KCND3: variants seen among roughly 807,000 people sequenced by gnomAD.
KCND3 encodes the protein potassium voltage-gated channel subfamily D member 3.
KCND3 carries 9 observed loss-of-function variants against 51.1 expected under a neutral mutation model. The ratio of observed to expected loss-of-function variants is 0.18; its 90% CI spans 0.11 to 0.31. The LOEUF (loss-of-function observed/expected upper bound fraction) is 0.31, where lower values mean the gene tolerates loss of function less well. Among genes scored for constraint, KCND3 ranks in the 10% least tolerant of loss-of-function variants. The pLI, the probability that KCND3 is intolerant of heterozygous loss-of-function variation, is 1.00. For synonymous variants in KCND3, 349 were observed against 368.0 expected (o/e 0.95, Z 0.59); for missense variants, 526 against 903.8 (o/e 0.58, Z 5.36).
chr1:111,969,388 A>G (rs1305379334), intron 2 of KCND3, among the ~76,000 whole-genome samples: 1 of 152,162 alleles, frequency 6.6e-6, no homozygotes, highest in Non-Finnish European at 1.5e-5. Context: ...AGATTTCTCC[A>G]CCTTCCAGGG....
intron 1 of KCND3, among the ~76,000 whole-genome samples, chr1:111,988,005 G>C (rs142913701): frequency 5.1e-4 from 78 of 152,278 alleles, no homozygotes; most frequent in African/African-American, 1.5e-3. Context: ...GGCCAAAAGG[G>C]GGTGGAGTGA....
chr1:111,808,645 C>T (rs980221563), intron 2 of KCND3, among the ~76,000 whole-genome samples: 1 of 152,176 alleles, frequency 6.6e-6, no homozygotes, highest in Non-Finnish European at 1.5e-5. Flanking sequence ...ATGCACAAGC[C>T]CTCTCAGGCC....
At position 111,872,602 on chromosome 1, in the gene KCND3, G is replaced by A. The variant is rs17028895; in HGVS notation, c.1107-85496C>T. Among the ~76,000 whole-genome samples, 10 of 152,034 alleles carry A rather than the reference G, an allele frequency of 6.6e-5. No individual in the cohort carries two copies. In the South Asian group the frequency reaches 2.1e-3, roughly 31 times the overall value. ...TGCGTCTTTTTTGGGGAGAAAGAGT[G>A]TTTTTTTATGGAAGGAGAGCAAAAT... On this transcript the variant is annotated intron_variant, in intron 2 of 7. Transcript: ENST00000302127.
chr1:111,939,152 G>T (rs146753237), intron 2 of KCND3, among the ~76,000 whole-genome samples: 1 of 152,322 alleles, frequency 6.6e-6, no homozygotes, highest in East Asian at 1.9e-4. Context: ...GAGAAGCTCT[G>T]TCCTGGATCT....
chr1:111,912,842 A>T (rs1671029027), intron 2 of KCND3, among the ~76,000 whole-genome samples: 1 of 152,256 alleles, frequency 6.6e-6, no homozygotes, highest in Admixed American at 6.5e-5. Flanking sequence ...TTGTGTTTTA[A>T]GCTATTACTG....
chr1:111,896,639 C>T (rs747694865), intron 2 of KCND3, among the ~76,000 whole-genome samples: 12 of 152,156 alleles, frequency 7.9e-5, no homozygotes, highest in Non-Finnish European at 1.0e-4. Context: ...ATCCACTCAG[C>T]GGACAGCAAT....
At chr1:111,938,400 C>T (rs1672321610) in intron 2 of KCND3, among the ~76,000 whole-genome samples, 2 of 152,194 alleles carry the variant, frequency 1.3e-5, no homozygotes, top group South Asian at 4.1e-4. Context: ...TAAGCACCTT[C>T]TATGTGCCAG....
rs143229402 is a variant in KCND3, at chr1:111,881,495, G to A, written c.1107-94389C>T. 3.7e-3 allele frequency among the ~76,000 whole-genome samples: 566 copies of A among 152,308 alleles called. 7 individuals are homozygous for A. Among genetic ancestry groups the A allele is most frequent in the African/African-American group, 0.013 (536 of 41,566 alleles). ...TCTGAGCGGGCTTCCCCTGTCACCA[G>A]ACACATTTGTTTCTTTCCTAACCCC... On this transcript the variant is annotated intron_variant, in intron 2 of 7. Transcript: ENST00000302127.
intron 2 of KCND3, among the ~76,000 whole-genome samples, chr1:111,793,746 G>A (rs1337491926): frequency 6.6e-6 from 1 of 152,094 alleles, no homozygotes; most frequent in African/African-American, 2.4e-5. Flanking sequence ...GATTCTCTGA[G>A]TCCTAATGGC....
At chr1:111,840,997 C>G (rs1248778858) in intron 2 of KCND3, among the ~76,000 whole-genome samples, 2 of 152,242 alleles carry the variant, frequency 1.3e-5, no homozygotes, top group East Asian at 3.8e-4. Flanking sequence ...ATGATTCATT[C>G]TTTTCTGTGG....
At chr1:111,845,837 C>T (rs1268573752) in intron 2 of KCND3, among the ~76,000 whole-genome samples, 1 of 152,198 alleles carries the variant, frequency 6.6e-6, no homozygotes, top group African/African-American at 2.4e-5. Context: ...CTCTTTCTTA[C>T]CCACTAACCC....
At position 111,853,318 on chromosome 1, in the gene KCND3, G is replaced by A. The variant is rs1667908628; in HGVS notation, c.1107-66212C>T. Among the ~76,000 whole-genome samples the A allele has an allele frequency of 2.0e-5, 3 of 152,180 alleles. 1 individual carries two copies. The highest frequency in any genetic ancestry group is 2.0e-4 in the Admixed American group (3 of 15,276). ...AAAACTAACTTTCAGGGTCGTTCTG[G>A]TGTGAGGATTAAATGAAATCTTGTA... On this transcript the variant is annotated intron_variant, in intron 2 of 7. Coordinates refer to ENST00000302127, the MANE Select transcript of KCND3 (RefSeq NM_001378969.1).
intron 2 of KCND3, among the ~76,000 whole-genome samples, chr1:111,911,946 C>A (rs1379680121): frequency 6.6e-6 from 1 of 152,194 alleles, no homozygotes; most frequent in Admixed American, 6.5e-5. Context: ...CAAAACAGAG[C>A]CCAGAATTCT....
intron 2 of KCND3, among the ~76,000 whole-genome samples, chr1:111,947,174 G>A (rs764583210): frequency 2.0e-5 from 3 of 152,156 alleles, no homozygotes; most frequent in Non-Finnish European, 4.4e-5. Flanking sequence ...GGCAGGACTA[G>A]TCCCTTTCTC....
chr1:111,776,424 A>T (rs1377060748), intron 7 of KCND3, 146 bp from the exon 8 acceptor site: 1 of 800,410 alleles, frequency 1.2e-6, no homozygotes, highest in Non-Finnish European at 2.1e-6. Context: ...ACTTGTAATT[A>T]TCCATTCTAA....
intron 2 of KCND3, among the ~76,000 whole-genome samples, chr1:111,842,029 T>C (rs1441161560): frequency 6.6e-6 from 1 of 152,116 alleles, no homozygotes; most frequent in Non-Finnish European, 1.5e-5. Flanking sequence ...TGGGACTTTG[T>C]AGCATAAAAA....
intron 2 of KCND3, among the ~76,000 whole-genome samples, chr1:111,840,644 T>C (rs1667283880): frequency 6.6e-6 from 1 of 152,222 alleles, no homozygotes; most frequent in Non-Finnish European, 1.5e-5. Flanking sequence ...GTGACTGTAA[T>C]ATAGACATTT....
intron 1 of KCND3, among the ~76,000 whole-genome samples, chr1:111,986,375 AAACAGAC>A (rs1249655046): frequency 1.3e-5 from 2 of 152,252 alleles, no homozygotes; most frequent in East Asian, 3.8e-4. Context: ...GACAATTTTC[AAACAGAC>A]CATTGATCAC....
At chr1:111,936,042 T>C (rs1374802450) in intron 2 of KCND3, among the ~76,000 whole-genome samples, 1 of 152,250 alleles carries the variant, frequency 6.6e-6, no homozygotes, top group Non-Finnish European at 1.5e-5. Context: ...GGAAATATCC[T>C]GATAAATTGT....
Sources: allele counts gnomAD v4.1 joint callset (sites outside exome capture counted in the v4.1 genomes callset), GRCh38; gene constraint gnomAD v4.1.1; transcripts MANE v1.5; gene names NCBI Gene and HGNC (gene_info 2026-07-23, HGNC 2026-07-21).